The following PALM2AKAP2 variants were observed in gnomAD, a reference collection of about 807,000 sequenced individuals.
PALM2AKAP2 encodes the protein PALM2 and AKAP2 fusion, also known as PALM2-AKAP2 fusion protein.
PALM2AKAP2 carries 37 observed loss-of-function variants against 71.5 expected under a neutral mutation model. That is an observed-to-expected ratio of 0.52 (90% confidence interval 0.40 to 0.68). PALM2AKAP2 has a LOEUF of 0.68. Ranked by LOEUF, PALM2AKAP2 falls within the 30% of genes least tolerant of loss-of-function variation. The pLI is 0.00. For missense variants in PALM2AKAP2, 1,224 were observed against 1,191.8 expected (o/e 1.03, Z -0.40); for synonymous variants, 468 against 478.8 (o/e 0.98, Z 0.29).
chr9:110,012,924 A>G (rs1832910652), intron 6 of PALM2AKAP2, among the ~76,000 whole-genome samples: 1 of 152,266 alleles, frequency 6.6e-6, no homozygotes, highest in Non-Finnish European at 1.5e-5. Flanking sequence ...GCATAGTTAA[A>G]GGTAAAAATA....
chr9:109,658,235 C>T (rs1342415203), intron 1 of PALM2AKAP2, among the ~76,000 whole-genome samples: 1 of 151,902 alleles, frequency 6.6e-6, no homozygotes, highest in East Asian at 1.9e-4. Context: ...AATCGTTAGT[C>T]CATGGATGGT....
upstream of PALM2AKAP2, chr9:109,780,345 C>G (rs1380319226): frequency 7.8e-6 from 12 of 1,538,242 alleles, no homozygotes; most frequent in Non-Finnish European, 1.1e-5. Flanking sequence ...CTCTGCCCGC[C>G]GCCCCTGGAG....
chr9:110,158,769 C>A (rs966160822), intron 3 of PALM2AKAP2, among the ~76,000 whole-genome samples: 5 of 152,170 alleles, frequency 3.3e-5, no homozygotes, highest in African/African-American at 1.2e-4. Context: ...GGATTCAAAG[C>A]CAAATGTTTT....
chr9:110,133,555 C>T (rs2119077867), intron 1 of PALM2AKAP2, among the ~76,000 whole-genome samples: 1 of 152,174 alleles, frequency 6.6e-6, no homozygotes. Context: ...ATTACGTTGC[C>T]CTTCTTCCTC....
chr9:109,919,889 C>T (rs936981896), intron 3 of PALM2AKAP2, among the ~76,000 whole-genome samples: 2 of 152,160 alleles, frequency 1.3e-5, no homozygotes, highest in African/African-American at 4.8e-5. Context: ...TTCTTGCCCA[C>T]ACTTCTGTGA....
At chr9:109,959,709 G>T (rs373034704) in intron 6 of PALM2AKAP2, among the ~76,000 whole-genome samples, 3 of 151,694 alleles carry the variant, frequency 2.0e-5, no homozygotes, top group East Asian at 1.9e-4. Context: ...GTGGTAGATA[G>T]AAAGTTAGGC....
At chr9:109,650,462 G>A (rs1827210444) in intron 1 of PALM2AKAP2, among the ~76,000 whole-genome samples, 1 of 152,022 alleles carries the variant, frequency 6.6e-6, no homozygotes, top group Non-Finnish European at 1.5e-5. Context: ...TGTCACCTAG[G>A]CTGGAGCATA....
rs569118444 is a variant in PALM2AKAP2, at chr9:109,646,011, T to TA, written c.5+5149dup. On this transcript the variant is annotated intron_variant, in intron 1 of 6. Coordinates refer to the PALM2AKAP2 transcript ENST00000374531. ...AATCCAAAGCAAGCAGAAAAAGAAA[T>TA]AAAAGAAAGAAAGAAAAATCTAGGT... 4.6e-5 allele frequency among the ~76,000 whole-genome samples: 7 copies of TA among 151,630 alleles called. No homozygotes were observed. The South Asian group carries it at 1.3e-3, about 27-fold the overall frequency.
At chr9:110,156,564 C>A in intron 3 of PALM2AKAP2, 67 bp downstream of exon 9, 1 of 1,491,184 alleles carries the variant, frequency 6.7e-7, no homozygotes, top group Non-Finnish European at 9.0e-7. Context: ...TGTGGCATTC[C>A]AGTTCAGGCA....
chr9:109,912,562 G>C (rs1452804105), intron 3 of PALM2AKAP2, among the ~76,000 whole-genome samples: 3 of 152,232 alleles, frequency 2.0e-5, no homozygotes, highest in African/African-American at 7.2e-5. Context: ...CAAATGCGCT[G>C]TCTTCCTGAA....
chr9:110,131,055 A>G (rs1835724127), intron 1 of PALM2AKAP2, among the ~76,000 whole-genome samples: 1 of 152,188 alleles, frequency 6.6e-6, no homozygotes, highest in Non-Finnish European at 1.5e-5. Context: ...TGGATCCTAG[A>G]TGACCATCCC....
intron 1 of PALM2AKAP2, among the ~76,000 whole-genome samples, chr9:110,072,858 C>T (rs1473007031): frequency 6.6e-6 from 1 of 152,182 alleles, no homozygotes; most frequent in Non-Finnish European, 1.5e-5. Flanking sequence ...CCAAATGCCC[C>T]TTTTCCTCTG....
chr9:109,663,681 G>A (rs772259273), intron 1 of PALM2AKAP2, among the ~76,000 whole-genome samples: 4 of 152,184 alleles, frequency 2.6e-5, no homozygotes, highest in African/African-American at 4.8e-5. Context: ...GGGGTGGAGA[G>A]TTCTGTAGAT....
At chr9:109,779,759 A>C (rs1829403565), upstream of PALM2AKAP2, among the ~76,000 whole-genome samples, 1 of 152,194 alleles carries the variant, frequency 6.6e-6, no homozygotes, top group African/African-American at 2.4e-5. Flanking sequence ...TGGGCAAGGC[A>C]GCCCTTCCCA....
chr9:109,935,872 C>T (rs1343591358), intron 6 of PALM2AKAP2, among the ~76,000 whole-genome samples: 1 of 152,198 alleles, frequency 6.6e-6, no homozygotes, highest in East Asian at 1.9e-4. Flanking sequence ...ATCTGGGCTT[C>T]ACTTCCCTTT....
chr9:110,099,658 T>C (rs1169247870), intron 1 of PALM2AKAP2, among the ~76,000 whole-genome samples: 2 of 152,190 alleles, frequency 1.3e-5, no homozygotes, highest in Non-Finnish European at 2.9e-5. Context: ...GCAAAGTCTA[T>C]TATGAAATCT....
intron 1 of PALM2AKAP2, among the ~76,000 whole-genome samples, chr9:109,762,066 G>A (rs1242477433): frequency 1.3e-5 from 2 of 152,104 alleles, no homozygotes; most frequent in Non-Finnish European, 2.9e-5. Flanking sequence ...TGGAAAAATA[G>A]GAATGCTTTT....
rs139359630 is a variant in PALM2AKAP2 at position 109,720,690 on chromosome 9, GA to G, written c.6-59793del. 2.4e-3 allele frequency among the ~76,000 whole-genome samples: 367 copies of G among 152,298 alleles called. 3 individuals are homozygous for G. The highest frequency in any genetic ancestry group is 8.3e-3 in the African/African-American group (346 of 41,570). On this transcript the variant is annotated intron_variant, in intron 1 of 6. Coordinates refer to the PALM2AKAP2 transcript ENST00000374531. ...AGTGATTTAAAGTCATTTCATATGT[GA>G]AAAACATAAGACCAATGGATATCCA...
intron 2 of PALM2AKAP2, among the ~76,000 whole-genome samples, chr9:109,871,670 A>G (rs1829606209): frequency 6.6e-6 from 1 of 152,182 alleles, no homozygotes; most frequent in African/African-American, 2.4e-5. Context: ...CACAGGGCTC[A>G]CCAACCTGTG....
Sources: gnomAD v4.1 joint callset for allele counts (sites outside exome capture counted in the v4.1 genomes callset) on GRCh38, gnomAD v4.1.1 for gene constraint, MANE v1.5 for transcripts, NCBI Gene and HGNC (gene_info 2026-07-23, HGNC 2026-07-21) for gene names.